Variants in MNX1 observed in about 807,000 individuals in gnomAD.
MNX1 encodes motor neuron and pancreas homeobox protein 1.
Under a neutral mutation model 17.3 loss-of-function variants are expected in MNX1, and 2 were observed. The observed-to-expected ratio is 0.12, with a 90% CI of 0.05 to 0.36. The LOEUF (loss-of-function observed/expected upper bound fraction) is 0.36, where lower values mean the gene tolerates loss of function less well. Ranked by LOEUF, MNX1 falls within the 10% of genes least tolerant of loss-of-function variation. The probability of loss-of-function intolerance (pLI) is 1.00; values close to 1 mark genes in which losing one functional copy is unlikely to be tolerated. For missense variants in MNX1, 556 were observed against 564.7 expected (o/e 0.98, Z 0.16); for synonymous variants, 306 against 283.1 (o/e 1.08, Z -0.81).
chr7:157,005,516 G>A lies in MNX1; in HGVS notation c.*4C>T. ...CGCGCCGCACCTGCTGGGCCGCGGG[G>A]CTCCTACTGGGGCGCGGGCTGGTGG... On this transcript the variant is annotated 3_prime_UTR_variant, in exon 3 of 3. Coordinates refer to ENST00000252971, the MANE Select transcript of MNX1 (RefSeq NM_005515.4). 2.7e-6 allele frequency: 4 copies of A among 1,459,420 alleles called. No homozygotes were observed. The highest frequency in any genetic ancestry group is 3.6e-6 in the Non-Finnish European group (4 of 1,111,528). 90.4% of individuals were successfully genotyped at this position (1,459,420 alleles called of 1,614,324 possible).
At position 157,010,558 on chromosome 7, in the gene MNX1, C is replaced by T. The variant is rs573199216; in HGVS notation, c.-208G>A. 1.3e-4 allele frequency: 47 copies of T among 363,578 alleles called. No individual in the cohort carries two copies. Among genetic ancestry groups the T allele is most frequent in the Admixed American group, 8.7e-4 (18 of 20,736 alleles). 22.5% of individuals were successfully genotyped at this position (363,578 alleles called of 1,614,324 possible). A position where few individuals can be genotyped will look rare whatever the true frequency, so the allele number is the denominator to read the frequency against. On this transcript the variant is annotated 5_prime_UTR_variant, in exon 1 of 3. Coordinates refer to ENST00000252971, the MANE Select transcript of MNX1 (RefSeq NM_005515.4). ...CGTGCGGGCCCCGCCCCGGGCCGCG[C>T]TCGCACAAACTCCCACGCGAGTGCT...
Position 157,010,362 on chromosome 7 carries a change from G to A in MNX1, c.-12C>T, listed in dbSNP as rs895707198. On this transcript the variant is annotated 5_prime_UTR_variant, in exon 1 of 3. Coordinates refer to ENST00000252971, the MANE Select transcript of MNX1 (RefSeq NM_005515.4). ...TTGGATTTTTCCATCGGCTCGTTTG[G>A]GGCTGGCGCTCAGGGCCCGGTGGCG... 5.7e-6 allele frequency: 9 copies of A among 1,566,178 alleles called. No homozygotes were observed. The highest frequency in any genetic ancestry group is 7.8e-6 in the Non-Finnish European group (9 of 1,156,858).
Position 157,005,777 on chromosome 7 carries a change from C to T in MNX1, c.949G>A (p.Gly317Ser). ...AQEAEKQKGG[G>S]GGAGKGGAEE... is the part of the protein sequence containing the mutation. ...GCGCCGCCCTTCCCCGCGCCCCCGCCGCCGCCCTTCTGTTTCTCCGCTTCC... is the reference window on the plus strand; with the variant it reads ...GCGCCGCCCTTCCCCGCGCCCCCGCTGCCGCCCTTCTGTTTCTCCGCTTCC... The change falls in exon 3 of 3, where the codon GGC becomes AGC. Residue 317 changes from glycine (G) to serine (S), a missense_variant. Around this residue, in one of 7 missense-constraint regions of MNX1, gnomAD observed 178 missense variants for 155.2 expected, o/e 1.15. Transcript: ENST00000252971. 1 of 1,610,650 alleles carries T rather than the reference C, an allele frequency of 6.2e-7. No homozygotes were observed. Among genetic ancestry groups the T allele is most frequent in the Non-Finnish European group, 8.5e-7 (1 of 1,179,712 alleles).
rs780746774 is a variant in MNX1, at chr7:157,005,669, C to T, written c.1057G>A (p.Asp353Asn). 1 of 1,610,606 alleles carries T rather than the reference C, an allele frequency of 6.2e-7. No individual in the cohort carries two copies. Among genetic ancestry groups the T allele is most frequent in the African/African-American group, 1.3e-5 (1 of 74,942 alleles). The change falls in exon 3 of 3, where the codon GAC (aspartate) becomes AAC (asparagine). Residue 353 changes from aspartate (D) to asparagine (N), a missense_variant. Around this residue, in one of 7 missense-constraint regions of MNX1, gnomAD observed 178 missense variants for 155.2 expected, o/e 1.15. Coordinates refer to ENST00000252971, the MANE Select transcript of MNX1 (RefSeq NM_005515.4). The stretch of plus-strand genomic sequence containing the variant: ...TCCTCGTCCTCCTCGGGGTCACTGT[C>T]CCTCAAGTCCCGCAGGCGGCGTCCG... ...GSGRRLRDLR[D>N]SDPEEDEDED...
rs116083479 is a variant in MNX1 at position 157,007,321 on chromosome 7, G to A, written c.692-682C>T. On this transcript the variant is annotated intron_variant, in intron 1 of 2. Transcript: ENST00000252971. ...AGAGGAAGGAAGGAAGGGAGAGAGG[G>A]AAAGAGGGAGGGAGGAAGGAAAGAA... is the stretch of plus-strand genomic sequence containing the variant. Among the ~76,000 whole-genome samples, 1,085 of 151,520 alleles carry A rather than the reference G, an allele frequency of 7.2e-3. 17 individuals carry two copies. The highest frequency in any genetic ancestry group is 0.025 in the African/African-American group (1,016 of 41,184).
intron 1 of MNX1, chr7:157,008,846 G>T: frequency 4.0e-6 from 3 of 745,672 alleles, no homozygotes; most frequent in South Asian, 1.8e-5. Flanking sequence ...GCCCCAGCCC[G>T]GAGAGTCCGC....
intron 1 of MNX1, chr7:157,009,082 G>A (rs1193902483): frequency 2.0e-6 from 3 of 1,536,598 alleles, no homozygotes; most frequent in African/African-American, 1.4e-5. Context: ...ACCTGCCTCG[G>A]CCATCGCACC....
Position 157,005,790 on chromosome 7 carries a change from T to C in MNX1, c.936A>G (p.Lys312=), listed in dbSNP as rs1353821756. 2 of 1,611,436 alleles carry C rather than the reference T, an allele frequency of 1.2e-6. No homozygotes were observed. Among genetic ancestry groups the C allele is most frequent in the Admixed American group, 1.7e-5 (1 of 60,010 alleles). ...CCGCGCCCCCGCCGCCGCCCTTCTG[T>C]TTCTCCGCTTCCTGCGCCGCCTGCT... ...AKEQAAQEAE[K]QKGGGGGAGK... is the part of the protein sequence containing the mutation. Residue 312 remains lysine, a synonymous_variant, in exon 3 of 3, where the codon AAA becomes AAG. Transcript: ENST00000252971.
At chr7:157,009,507 C>A in intron 1 of MNX1, 153 bp downstream of exon 1, 1 of 1,446,336 alleles carries the variant, frequency 6.9e-7, no homozygotes, top group Non-Finnish European at 9.1e-7. Flanking sequence ...GGGGTCCGGG[C>A]GAGTCCTCGC....
At position 157,006,345 on chromosome 7, in the gene MNX1, T is replaced by C; in HGVS notation, c.852+134A>G. ...GAATCGGCGCTCTGGGCACCTTAGA[T>C]GAACCCGTGCGCCCGCCGTCTGAAC... On this transcript the variant is annotated intron_variant, in intron 2 of 2. Coordinates refer to ENST00000252971, the MANE Select transcript of MNX1 (RefSeq NM_005515.4). This position sits in a 1 kb window ranked among gnomAD's most constrained non-coding sequence, Gnocchi z 6.3. 1 of 1,035,138 alleles carries C rather than the reference T, an allele frequency of 9.7e-7. No individual in the cohort carries two copies. Among genetic ancestry groups the C allele is most frequent in the Non-Finnish European group, 1.4e-6 (1 of 723,686 alleles). 64.1% of individuals were successfully genotyped at this position (1,035,138 alleles called of 1,614,324 possible). A position where few individuals can be genotyped will look rare whatever the true frequency, so the allele number is the denominator to read the frequency against.
Position 157,006,853 on chromosome 7 carries a change from A to ATTTTTTTT in MNX1, c.692-222_692-215dup, listed in dbSNP as rs373662349. On this transcript the variant is annotated intron_variant, in intron 1 of 2. Transcript: ENST00000252971. This position sits in a 1 kb window ranked among gnomAD's most constrained non-coding sequence, Gnocchi z 6.3. ...GGATAGTTTGGAGTTAATGAGACCA[A>ATTTTTTTT]TTTTTTTTTTTTTTTTTGTCTAGGA... 1,792 of 273,346 alleles carry ATTTTTTTT rather than the reference A, an allele frequency of 6.6e-3. 172 individuals carry two copies. Among genetic ancestry groups the ATTTTTTTT allele is most frequent in the African/African-American group, 0.05 (1,341 of 26,638 alleles). The allele number at this position is 273,346 out of a possible 1,614,324, so 16.9% of individuals were successfully genotyped here.
rs1271557574 is a variant in MNX1 at position 157,010,444 on chromosome 7, G to T, written c.-94C>A. ...CAGTGCGTGCGGTGCAAGCCCGGGGGCTCGGTATTGTTATGGTGGTTATTT... is the reference window on the plus strand; with the variant it reads ...CAGTGCGTGCGGTGCAAGCCCGGGGTCTCGGTATTGTTATGGTGGTTATTT... On this transcript the variant is annotated 5_prime_UTR_variant, in exon 1 of 3. Coordinates refer to ENST00000252971, the MANE Select transcript of MNX1 (RefSeq NM_005515.4). The T allele has an allele frequency of 5.7e-6, 5 of 884,824 alleles. No individual in the cohort carries two copies. The highest frequency in any genetic ancestry group is 8.2e-6 in the Non-Finnish European group (5 of 606,432). 54.8% of individuals were successfully genotyped at this position (884,824 alleles called of 1,614,324 possible). A position where few individuals can be genotyped will look rare whatever the true frequency, so the allele number is the denominator to read the frequency against.
chr7:157,005,684 G>A lies in MNX1; in HGVS notation c.1042C>T (p.Leu348=), dbSNP rs140051130. 292 of 1,610,328 alleles carry A rather than the reference G, an allele frequency of 1.8e-4. No homozygotes were observed. The highest frequency in any genetic ancestry group is 2.4e-4 in the Non-Finnish European group (279 of 1,179,166). The part of the protein sequence containing the change: ...APGDKGSGRR[L]RDLRDSDPEE... ...GGGTCACTGTCCCTCAAGTCCCGCA[G>A]GCGGCGTCCGCTGCCCTTGTCTCCG... The change falls in exon 3 of 3, where the codon CTG becomes TTG. Residue 348 remains leucine, a synonymous_variant. Coordinates refer to ENST00000252971, the MANE Select transcript of MNX1 (RefSeq NM_005515.4).
chr7:157,006,252 G>T lies in MNX1; in HGVS notation c.852+227C>A. Reference sequence around the variant, plus strand: ...CAAAATTTCTCGAATGCGGCCTGGGGATCACCTTCTTCAGAATGAAAGGAG... The same window carrying T: ...CAAAATTTCTCGAATGCGGCCTGGGTATCACCTTCTTCAGAATGAAAGGAG... On this transcript the variant is annotated intron_variant, in intron 2 of 2. Transcript: ENST00000252971. The surrounding 1 kb of genome is among the most constrained non-coding windows in gnomAD (Gnocchi z 6.3). 1 of 594,662 alleles carries T rather than the reference G, an allele frequency of 1.7e-6. No individual in the cohort carries two copies. The highest frequency in any genetic ancestry group is 3.0e-6 in the Non-Finnish European group (1 of 337,328). 36.8% of individuals were successfully genotyped at this position (594,662 alleles called of 1,614,324 possible). A position where few individuals can be genotyped will look rare whatever the true frequency, so the allele number is the denominator to read the frequency against.
chr7:157,005,752 GCGCCGCCCTTCCCCGCGCCCCCGC>G lies in MNX1; in HGVS notation c.950_973del (p.Gly317_Gly324del), dbSNP rs762344586. 6.2e-6 allele frequency: 10 copies of G among 1,608,940 alleles called. No homozygotes were observed. The highest frequency in any genetic ancestry group is 1.8e-4 in the Middle Eastern group (1 of 5,436). On this transcript the variant is annotated inframe_deletion, in exon 3 of 3. Coordinates refer to ENST00000252971, the MANE Select transcript of MNX1 (RefSeq NM_005515.4). ...CAGCTCCTCGGCTCCCGGCTCCTCC[GCGCCGCCCTTCCCCGCGCCCCCGC>G]CGCCGCCCTTCTGTTTCTCCGCTTC...
At chr7:157,008,416 G>A (rs1805643848) in intron 1 of MNX1, 1 of 152,394 alleles carries the variant, frequency 6.6e-6, no homozygotes, top group Non-Finnish European at 1.5e-5. Flanking sequence ...CCAGTCAGTA[G>A]GGCTGACTCT....
chr7:157,009,603 G>A (rs1586594608), intron 1 of MNX1, 57 bp downstream of exon 1: 1 of 1,583,708 alleles, frequency 6.3e-7, no homozygotes, highest in East Asian at 2.3e-5. Context: ...CGGTGCCGGT[G>A]GAGGATGCGC....
rs1805687759 is a variant in MNX1, at chr7:157,010,155, G to A, written c.196C>T (p.Pro66Ser). Reference sequence around the variant, plus strand: ...CGCAGGCGGTCGGCGGGCGCAGCCGGCGGCTCCGAGGACGCGGGGCTGCAG... The same window carrying A: ...CGCAGGCGGTCGGCGGGCGCAGCCGACGGCTCCGAGGACGCGGGGCTGCAG... ...GSCSPASSEPPAAPADRLRAE... is the reference protein window; with the variant it reads ...GSCSPASSEPSAAPADRLRAE... Residue 66 changes from proline to serine, a missense_variant, in exon 1 of 3, where the codon CCG becomes TCG. Transcript: ENST00000252971. 7 of 1,103,518 alleles carry A rather than the reference G, an allele frequency of 6.3e-6. No homozygotes were observed. Among genetic ancestry groups the A allele is most frequent in the Non-Finnish European group, 7.7e-6 (7 of 906,488 alleles). 68.4% of individuals were successfully genotyped at this position (1,103,518 alleles called of 1,614,324 possible). A position where few individuals can be genotyped will look rare whatever the true frequency, so the allele number is the denominator to read the frequency against.
At position 157,006,772 on chromosome 7, in the gene MNX1, T is replaced by C. The variant is rs1805608017; in HGVS notation, c.692-133A>G. ...CCCTGCAGAGGGCGGGGCTGTTCCC[T>C]CACTATCAGTGCCCACTCCCCAAGG... On this transcript the variant is annotated intron_variant, in intron 1 of 2. Coordinates refer to ENST00000252971, the MANE Select transcript of MNX1 (RefSeq NM_005515.4). The surrounding 1 kb of genome is among the most constrained non-coding windows in gnomAD (Gnocchi z 6.3). 2 of 886,288 alleles carry C rather than the reference T, an allele frequency of 2.3e-6. No individual in the cohort carries two copies. Among genetic ancestry groups the C allele is most frequent in the Admixed American group, 5.7e-5 (2 of 34,914 alleles). 54.9% of individuals were successfully genotyped at this position (886,288 alleles called of 1,614,324 possible). A position where few individuals can be genotyped will look rare whatever the true frequency, so the allele number is the denominator to read the frequency against.
Sources: allele counts gnomAD v4.1 joint callset (sites outside exome capture counted in the v4.1 genomes callset), GRCh38; gene constraint gnomAD v4.1.1; regional missense constraint gnomAD v4.1.1; non-coding constraint Gnocchi (gnomAD v3.1); transcripts MANE v1.5; gene names NCBI Gene and HGNC (gene_info 2026-07-23, HGNC 2026-07-21).